Variants in USP38 observed in about 807,000 individuals in gnomAD.
USP38 encodes ubiquitin carboxyl-terminal hydrolase 38.
Under a neutral mutation model 94.3 loss-of-function variants are expected in USP38, and 49 were observed. The observed-to-expected ratio is 0.52, with a 90% CI of 0.41 to 0.66. USP38 has a LOEUF of 0.66. Among genes scored for constraint, USP38 ranks in the 30% least tolerant of loss-of-function variants. USP38 has a pLI of 0.00. For missense variants in USP38, 1,128 were observed against 1,229.4 expected, an observed-to-expected ratio of 0.92 and a Z score of 1.23; for synonymous variants, 468 against 463.6, an observed-to-expected ratio of 1.01 and a Z score of -0.12.
intron 9 of USP38, among the ~76,000 whole-genome samples, chr4:143,218,422 A>G (rs979929439): frequency 5.3e-5 from 8 of 152,090 alleles, no homozygotes; most frequent in African/African-American, 1.9e-4. Context: ...ATTGTACACA[A>G]TGTTCTTACC....
chr4:143,201,351 C>G (rs1319807081), intron 4 of USP38, among the ~76,000 whole-genome samples: 1 of 152,144 alleles, frequency 6.6e-6, no homozygotes, highest in Non-Finnish European at 1.5e-5. Context: ...AGCTGGACCC[C>G]TTCCTTACAC....
chr4:143,203,744 AAATT>A (rs1313756025), intron 5 of USP38, among the ~76,000 whole-genome samples, 178 bp downstream of exon 5: 1 of 152,206 alleles, frequency 6.6e-6, no homozygotes, highest in African/African-American at 2.4e-5. Context: ...TCACCATTCT[AAATT>A]AATAACCATA....
At chr4:143,199,298 G>T (rs548089160) in intron 4 of USP38, among the ~76,000 whole-genome samples, 1 of 152,116 alleles carries the variant, frequency 6.6e-6, no homozygotes, top group South Asian at 2.1e-4. Context: ...CTCCATCCGT[G>T]TTCCCGCAGA....
chr4:143,189,256 GCTTA>G (rs1410289089), intron 2 of USP38, among the ~76,000 whole-genome samples: 4 of 151,924 alleles, frequency 2.6e-5, no homozygotes, highest in Non-Finnish European at 5.9e-5. Flanking sequence ...CATCTGTAGA[GCTTA>G]CTTAGTTACT....
At chr4:143,197,721 G>A in intron 3 of USP38, 102 bp from the exon 4 acceptor site, 1 of 729,800 alleles carries the variant, frequency 1.4e-6, no homozygotes, top group Non-Finnish European at 2.3e-6. Context: ...TTCCAGAAGG[G>A]GGACATTCAT....
intron 6 of USP38, 94 bp from the exon 7 acceptor site, chr4:143,209,470 A>G: frequency 1.4e-6 from 1 of 713,290 alleles, no homozygotes; most frequent in Non-Finnish European, 2.2e-6. Flanking sequence ...AGCCTGGGCA[A>G]CAAAAGGAAA....
intron 2 of USP38, 67 bp from the exon 3 acceptor site, chr4:143,195,649 C>A: frequency 2.7e-6 from 4 of 1,482,962 alleles, no homozygotes; most frequent in Non-Finnish European, 2.7e-6. Flanking sequence ...TCTACTGTAA[C>A]TCTTGTTATC....
At chr4:143,188,877 C>T (rs1009327340) in intron 2 of USP38, among the ~76,000 whole-genome samples, 1 of 151,976 alleles carries the variant, frequency 6.6e-6, no homozygotes, top group Non-Finnish European at 1.5e-5. Context: ...GTAGAAATGC[C>T]TAGTCATTCA....
At chr4:143,195,185 T>C (rs1327838803) in intron 2 of USP38, among the ~76,000 whole-genome samples, 1 of 152,200 alleles carries the variant, frequency 6.6e-6, no homozygotes, top group Non-Finnish European at 1.5e-5. Context: ...TCAGCTGCTC[T>C]TTTTAGAGTA....
chr4:143,209,582 A>G lies in USP38; in HGVS notation c.1422A>G (p.Leu474=), dbSNP rs890144299. 1.9e-6 allele frequency: 3 copies of G among 1,594,820 alleles called. No individual in the cohort carries two copies. The highest frequency in any genetic ancestry group is 2.2e-5 in the South Asian group (2 of 90,478). The stretch of plus-strand genomic sequence containing the variant: ...CTTTCAGTTTCAGGAGACAAGTATT[A>G]TCTTTAAATCTAAATGGGTGCAATT... ...FMATDFRRQV[L]SLNLNGCNSL... Residue 474 remains leucine (L), a synonymous_variant, in exon 7 of 10, where the codon TTA becomes TTG. Coordinates refer to ENST00000307017, the MANE Select transcript of USP38 (RefSeq NM_032557.6).
At chr4:143,209,389 A>G (rs1731959635) in intron 6 of USP38, among the ~76,000 whole-genome samples, 175 bp from the exon 7 acceptor site, 1 of 152,018 alleles carries the variant, frequency 6.6e-6, no homozygotes, top group Non-Finnish European at 1.5e-5. Flanking sequence ...CTGTAATTCC[A>G]GCACTTTGGG....
intron 7 of USP38, among the ~76,000 whole-genome samples, chr4:143,210,387 G>T (rs1731990869): frequency 6.6e-6 from 1 of 152,066 alleles, no homozygotes; most frequent in African/African-American, 2.4e-5. Context: ...AGGAGTTTGA[G>T]ACCAGCCTGG....
intron 3 of USP38, among the ~76,000 whole-genome samples, chr4:143,197,348 C>T (rs1392638883): frequency 6.6e-6 from 1 of 152,048 alleles, no homozygotes; most frequent in African/African-American, 2.4e-5. Context: ...TTCATCATAC[C>T]CTGCTTTAAA....
At chr4:143,194,894 C>CTT (rs58872769) in intron 2 of USP38, among the ~76,000 whole-genome samples, 70 of 142,444 alleles carry the variant, frequency 4.9e-4, no homozygotes, top group African/African-American at 9.4e-4. Context: ...TCCTATATTA[C>CTT]TTTTTTTTTT....
chr4:143,204,317 A>C (rs1412211037), intron 5 of USP38: 1 of 439,458 alleles, frequency 2.3e-6, no homozygotes, highest in African/African-American at 2.1e-5. Flanking sequence ...ACTGTTCATC[A>C]ATGTTTCGAA....
At chr4:143,212,174 CCCT>C in intron 7 of USP38, 141 bp from the exon 8 acceptor site, 1 of 520,238 alleles carries the variant, frequency 1.9e-6, no homozygotes, top group South Asian at 3.1e-5. Flanking sequence ...TTTTATCTGT[CCCT>C]AAGTTGCCAC....
In USP38 at chr4:143,220,317, C is replaced by T. The variant is rs1163287402; in HGVS notation, c.2990C>T (p.Ala997Val). 6.2e-7 allele frequency: 1 copy of T among 1,612,324 alleles called. No individual in the cohort carries two copies. ...YLQEQELNAR[A>V]RALQAASASC... Reference sequence around the variant, plus strand: ...TAGGAACAAGAGTTGAATGCTCGAGCCCGGGCCCTCCAAGCTGCATCTGCT... The same window carrying T: ...TAGGAACAAGAGTTGAATGCTCGAGTCCGGGCCCTCCAAGCTGCATCTGCT... The change falls in exon 10 of 10, where the codon GCC (alanine) becomes GTC (valine). Residue 997 changes from alanine to valine, a missense_variant. Physicochemically the swap from Ala to Val is moderately conservative, Grantham distance 64. Coordinates refer to ENST00000307017, the MANE Select transcript of USP38 (RefSeq NM_032557.6).
chr4:143,223,176 T>C lies in USP38; in HGVS notation c.*2720T>C, dbSNP rs1052263277. ...AAGCAGGTGCCTGTGCAACTCTGAT[T>C]TATGGCATTAACATATCAAATTGAA... On this transcript the variant is annotated 3_prime_UTR_variant, in exon 10 of 10. Transcript: ENST00000307017. 1.4e-4 allele frequency: 21 copies of C among 152,242 alleles called. No individual in the cohort carries two copies. Among genetic ancestry groups the C allele is most frequent in the African/African-American group, 5.1e-4 (21 of 41,572 alleles). 9.4% of individuals were successfully genotyped at this position (152,242 alleles called of 1,614,324 possible). A position where few individuals can be genotyped will look rare whatever the true frequency, so the allele number is the denominator to read the frequency against.
At chr4:143,189,840 C>T (rs1226435015) in intron 2 of USP38, among the ~76,000 whole-genome samples, 1 of 151,888 alleles carries the variant, frequency 6.6e-6, no homozygotes, top group Non-Finnish European at 1.5e-5. Flanking sequence ...TTATTCTCAT[C>T]TCCTTGATAT....
Sources: allele counts gnomAD v4.1 joint callset (sites outside exome capture counted in the v4.1 genomes callset), GRCh38; gene constraint gnomAD v4.1.1; transcripts MANE v1.5; gene names NCBI Gene and HGNC (gene_info 2026-07-23, HGNC 2026-07-21).